Variants in TCF3 observed in about 807,000 individuals in gnomAD.
TCF3 encodes the protein transcription factor 3.
TCF3 carries 54 observed loss-of-function variants against 72.3 expected under a neutral mutation model. That is an observed-to-expected ratio of 0.75 (90% confidence interval 0.60 to 0.94). The LOEUF (loss-of-function observed/expected upper bound fraction) is 0.94. Among genes scored for constraint, TCF3 ranks in the 40% least tolerant of loss-of-function variants. The pLI is 0.00. For missense variants in TCF3, 1,078 were observed against 934.4 expected (o/e 1.15, Z -2.00); for synonymous variants, 525 against 412.6 (o/e 1.27, Z -3.30).
chr19:1,635,391 T>TCTCC (rs1046539923), intron 3 of TCF3, among the ~76,000 whole-genome samples: 9 of 151,888 alleles, frequency 5.9e-5, no homozygotes, highest in African/African-American at 2.2e-4. Flanking sequence ...ACTTGGCTCT[T>TCTCC]CTCCCTCCCT....
rs917357 is a variant in TCF3 at position 1,617,821 on chromosome 19, C to G, written c.1450+1290G>C. Among the ~76,000 whole-genome samples the G allele has an allele frequency of 8.7e-3, 1,332 of 152,294 alleles. 26 individuals carry two copies. The highest frequency in any genetic ancestry group is 0.03 in the African/African-American group (1,261 of 41,566). ...GGGCCGTCCTGGGCACTGCAGGGTG[C>G]TGAGCAGCATCCCTGGCCCCCACCC... is the stretch of plus-strand genomic sequence containing the variant. On this transcript the variant is annotated intron_variant, in intron 16 of 18. Coordinates refer to ENST00000262965, the MANE Select transcript of TCF3 (RefSeq NM_003200.5).
chr19:1,619,943 G>A (rs373093885), intron 13 of TCF3, 90 bp from the exon 14 acceptor site: 48 of 1,132,960 alleles, frequency 4.2e-5, no homozygotes, highest in South Asian at 2.9e-4. Context: ...GAACCACCCC[G>A]CCTGTCCAGC....
rs990016354 is a variant in TCF3, at chr19:1,614,848, G to A, written c.1822+437C>T. The stretch of plus-strand genomic sequence containing the variant: ...AGGGGATGGGCTCATGTGGCCTTGC[G>A]TGGCATCTGCCTGACGGGAAGGGGC... On this transcript the variant is annotated intron_variant, in intron 18 of 18. Coordinates refer to ENST00000262965, the MANE Select transcript of TCF3 (RefSeq NM_003200.5). This position sits in a 1 kb window ranked among gnomAD's most constrained non-coding sequence, Gnocchi z 5.6. Among the ~76,000 whole-genome samples, 3 of 152,102 alleles carry A rather than the reference G, an allele frequency of 2.0e-5. No individual in the cohort carries two copies. The highest frequency in any genetic ancestry group is 6.5e-5 in the Admixed American group (1 of 15,282).
intron 5 of TCF3, 90 bp from the exon 6 acceptor site, chr19:1,627,516 C>G: frequency 8.4e-7 from 1 of 1,193,666 alleles, no homozygotes; most frequent in Non-Finnish European, 1.2e-6. Flanking sequence ...ACAATAGGCT[C>G]TCAGTAAGTG....
intron 2 of TCF3, among the ~76,000 whole-genome samples, chr19:1,649,695 T>C (rs1043768120): frequency 2.6e-5 from 4 of 152,258 alleles, no homozygotes; most frequent in East Asian, 3.8e-4. Context: ...AGTGCTGGAA[T>C]GACAGGTGGG....
Position 1,619,240 on chromosome 19 carries a change from G to C in TCF3, c.1327-6C>G, listed in dbSNP as rs776832736. 10 of 1,589,824 alleles carry C rather than the reference G, an allele frequency of 6.3e-6. No individual in the cohort carries two copies. Among genetic ancestry groups the C allele is most frequent in the Non-Finnish European group, 8.5e-6 (10 of 1,174,654 alleles). ...TCGGGGTGGCTGCCTCCAACCTGCA[G>C]GCGTGGGGAGACGGGTGCATCAGGG... On this transcript the variant is annotated splice_region_variant and splice_polypyrimidine_tract_variant and intron_variant, in intron 15 of 18. Transcript: ENST00000262965.
intron 5 of TCF3, 107 bp downstream of exon 5, chr19:1,631,931 G>C: frequency 6.5e-7 from 1 of 1,545,660 alleles, no homozygotes; most frequent in South Asian, 1.2e-5. Context: ...ACACCCTCTG[G>C]GTGAACGCTG....
In TCF3 at chr19:1,650,083, G is replaced by A. The variant is rs573736822; in HGVS notation, c.72+94C>T. ...CCATCCAAACAGCTGAGGCTCCATC[G>A]CTGAAGTATTCAGCAAACACTCTCC... On this transcript the variant is annotated intron_variant, in intron 2 of 18. Transcript: ENST00000262965. 2.3e-5 allele frequency: 29 copies of A among 1,247,118 alleles called. 1 individual carries two copies. In the African/African-American group the frequency reaches 2.7e-4, roughly 12 times the overall value. 77.3% of individuals were successfully genotyped at this position (1,247,118 alleles called of 1,614,324 possible). A position where few individuals can be genotyped will look rare whatever the true frequency, so the allele number is the denominator to read the frequency against.
chr19:1,615,248 C>A lies in TCF3; in HGVS notation c.1822+37G>T. ...AGGGCAGGAACACGAGGGAGGGTGG[C>A]GCTGCAGGGACGCTGGTGGCCCGCG... On this transcript the variant is annotated intron_variant, in intron 18 of 18. Coordinates refer to ENST00000262965, the MANE Select transcript of TCF3 (RefSeq NM_003200.5). The surrounding 1 kb of genome is among the most constrained non-coding windows in gnomAD (Gnocchi z 7.3). The A allele has an allele frequency of 1.9e-6, 3 of 1,542,762 alleles. No individual in the cohort carries two copies. The highest frequency in any genetic ancestry group is 2.6e-6 in the Non-Finnish European group (3 of 1,142,890).
intron 6 of TCF3, 123 bp downstream of exon 6, chr19:1,627,235 TG>T: frequency 4.7e-6 from 1 of 211,788 alleles, no homozygotes. Context: ...AAGCCCAGCC[TG>T]GTTTCGCTAT....
Position 1,610,894 on chromosome 19 carries a change from G to A in TCF3, c.*813C>T, listed in dbSNP as rs534380177. 1.3e-4 allele frequency: 23 copies of A among 174,468 alleles called. No individual in the cohort carries two copies. The highest frequency in any genetic ancestry group is 9.2e-4 in the South Asian group (4 of 4,344). The allele number at this position is 174,468 out of a possible 1,614,324, so 10.8% of individuals were successfully genotyped here. ...CAAAAAAACAAAAGACCCGCCGCCT[G>A]TCCCCGTTCTGTCTGTGTGCAGTGG... On this transcript the variant is annotated 3_prime_UTR_variant, in exon 19 of 19. Coordinates refer to ENST00000262965, the MANE Select transcript of TCF3 (RefSeq NM_003200.5).
intron 16 of TCF3, among the ~76,000 whole-genome samples, chr19:1,617,719 G>A (rs936729407): frequency 7.9e-5 from 12 of 152,236 alleles, no homozygotes; most frequent in Non-Finnish European, 1.8e-4. Context: ...ACAGAGGGGA[G>A]CCTATGGGTG....
At chr19:1,619,753 G>T in intron 14 of TCF3, 27 bp downstream of exon 14, 21 of 1,536,078 alleles carry the variant, frequency 1.4e-5, no homozygotes, top group Non-Finnish European at 1.8e-5. Flanking sequence ...TCGGGGAAGG[G>T]TGGGGTGGGG....
chr19:1,640,590 G>A (rs1263661259), intron 3 of TCF3, among the ~76,000 whole-genome samples: 4 of 152,106 alleles, frequency 2.6e-5, no homozygotes, highest in East Asian at 3.9e-4. Flanking sequence ...AGGCCGAGGC[G>A]GGCGGATCAC....
At chr19:1,630,809 C>A (rs2063617887) in intron 5 of TCF3, among the ~76,000 whole-genome samples, 1 of 152,178 alleles carries the variant, frequency 6.6e-6, no homozygotes, top group South Asian at 2.1e-4. Context: ...CAGCGGGACC[C>A]CCCCAAGACC....
intron 5 of TCF3, among the ~76,000 whole-genome samples, chr19:1,629,912 C>T (rs2063493123): frequency 6.6e-6 from 1 of 152,186 alleles, no homozygotes; most frequent in African/African-American, 2.4e-5. Flanking sequence ...AGATGACAGC[C>T]ACGACCCACC....
At chr19:1,630,014 C>T (rs1397160623) in intron 5 of TCF3, among the ~76,000 whole-genome samples, 1 of 152,192 alleles carries the variant, frequency 6.6e-6, no homozygotes, top group Non-Finnish European at 1.5e-5. Context: ...GGCAAAAGCC[C>T]CCCGTGCCTC....
chr19:1,616,401 G>A (rs561424676), intron 16 of TCF3: 1 of 152,012 alleles, frequency 6.6e-6, no homozygotes, highest in South Asian at 2.1e-4. Context: ...TTGAACCCAG[G>A]AGGCGGAGGT....
chr19:1,625,813 G>A (rs11878370), intron 6 of TCF3, 105 bp from the exon 7 acceptor site: 2 of 1,326,394 alleles, frequency 1.5e-6, no homozygotes, highest in East Asian at 3.1e-5. Flanking sequence ...GACCCGCCCT[G>A]CAGTGGGTGA....
Sources: allele counts gnomAD v4.1 joint callset (sites outside exome capture counted in the v4.1 genomes callset), GRCh38; gene constraint gnomAD v4.1.1; non-coding constraint Gnocchi (gnomAD v3.1); transcripts MANE v1.5; gene names NCBI Gene and HGNC (gene_info 2026-07-23, HGNC 2026-07-21).